TSPAN4: variants seen among roughly 807,000 people sequenced by gnomAD.
TSPAN4 encodes tetraspanin-4.
In TSPAN4, 38 loss-of-function variants were observed where a neutral mutation model predicts 31.5. The observed-to-expected ratio is 1.21, with a 90% CI of 0.93 to 1.58. The LOEUF is 1.58. Among genes scored for constraint, TSPAN4 ranks in the 40% most tolerant of loss-of-function variants. The pLI, the probability that TSPAN4 is intolerant of heterozygous loss-of-function variation, is 0.00. For missense variants in TSPAN4, 330 were observed against 317.3 expected (o/e 1.04, Z -0.30); for synonymous variants, 186 against 144.6 (o/e 1.29, Z -2.06).
chr11:863,112 C>G (rs1052476699), intron 4 of TSPAN4: 1 of 175,004 alleles, frequency 5.7e-6, no homozygotes, highest in Non-Finnish European at 1.2e-5. Context: ...CACCCCACCC[C>G]CACTGTGGCC....
chr11:854,420 A>G (rs964706592), intron 3 of TSPAN4, among the ~76,000 whole-genome samples: 2 of 152,118 alleles, frequency 1.3e-5, no homozygotes, highest in African/African-American at 4.8e-5. Flanking sequence ...GTGGGGCGGT[A>G]GAGGGTGAGG....
chr11:858,531 GACACTCACCCCGGTTCCCATGCACCCCA>G, intron 3 of TSPAN4: 1 of 152,490 alleles, frequency 6.6e-6, no homozygotes, highest in Non-Finnish European at 1.4e-5. Flanking sequence ...CACCCCCGCT[GACACTCACCCCGGTTCCCATGCACCCCA>G]GGCTCACATG....
At chr11:861,588 T>TACCGA (rs1418852211) in intron 3 of TSPAN4, among the ~76,000 whole-genome samples, 3 of 152,058 alleles carry the variant, frequency 2.0e-5, no homozygotes, top group African/African-American at 7.2e-5. Flanking sequence ...GGCGGGCGCC[T>TACCGA]GTAGTCCCAG....
intron 5 of TSPAN4, 70 bp from the exon 6 acceptor site, chr11:865,443 G>A (rs982814784): frequency 6.8e-6 from 9 of 1,318,338 alleles, no homozygotes; most frequent in Non-Finnish European, 8.6e-6. Context: ...TTAGGGGCCG[G>A]CGAGGGGGTC....
intron 3 of TSPAN4, among the ~76,000 whole-genome samples, chr11:854,281 C>T (rs908049195): frequency 2.0e-5 from 3 of 152,276 alleles, no homozygotes; most frequent in South Asian, 2.1e-4. Flanking sequence ...GTGGAAGCTC[C>T]GGCCGTCTCC....
At chr11:865,430 A>G in intron 5 of TSPAN4, 83 bp from the exon 6 acceptor site, 1 of 1,146,840 alleles carries the variant, frequency 8.7e-7, no homozygotes, top group Non-Finnish European at 1.3e-6. Context: ...GGAGGGGCCC[A>G]GCTTAGGGGC....
intron 3 of TSPAN4, among the ~76,000 whole-genome samples, chr11:852,990 G>A (rs1847840663): frequency 6.6e-6 from 1 of 152,214 alleles, no homozygotes; most frequent in Non-Finnish European, 1.5e-5. Context: ...GGGCAGTGGT[G>A]GGAGCCGGGG....
In TSPAN4 at chr11:865,587, C is replaced by T. The variant is rs538290798; in HGVS notation, c.405C>T (p.Thr135=). 3 of 1,612,932 alleles carry T rather than the reference C, an allele frequency of 1.9e-6. No homozygotes were observed. The African/African-American group carries it at 4.0e-5, about 21-fold the overall frequency. The part of the protein sequence containing the change: ...LYGTQGNVGL[T]NAWSIIQTDF... ...GCACGCAGGGCAACGTGGGCCTCAC[C>T]AACGCCTGGAGCATCATCCAGACCG... is the stretch of plus-strand genomic sequence containing the variant. The change falls in exon 6 of 9, where the codon ACC becomes ACT. Residue 135 remains threonine, a synonymous_variant. Coordinates refer to ENST00000397397, the MANE Select transcript of TSPAN4 (RefSeq NM_003271.5).
chr11:862,497 A>G, intron 3 of TSPAN4, 53 bp from the exon 4 acceptor site: 1 of 1,496,868 alleles, frequency 6.7e-7, no homozygotes, highest in Non-Finnish European at 9.0e-7. Flanking sequence ...TGGGGTCCAG[A>G]GCTTGCATTG....
chr11:859,151 C>T lies in TSPAN4; in HGVS notation c.64-3399C>T, dbSNP rs186803430. Among the ~76,000 whole-genome samples the T allele has an allele frequency of 1.5e-3, 215 of 139,606 alleles. 2 individuals are homozygous for T. The highest frequency in any genetic ancestry group is 5.6e-3 in the African/African-American group (208 of 36,914). The allele number at this position is 139,606 out of a possible 152,430, so 91.6% of individuals were successfully genotyped here. On this transcript the variant is annotated intron_variant, in intron 3 of 8. Transcript: ENST00000397397. Reference sequence around the variant, plus strand: ...ACACGCACCCCTGGGCTCACATGCACCCCGGCTCACACGCACCCCAGGTCA... The same window carrying T: ...ACACGCACCCCTGGGCTCACATGCATCCCGGCTCACACGCACCCCAGGTCA...
chr11:852,765 T>C (rs1847826030), intron 3 of TSPAN4, among the ~76,000 whole-genome samples: 1 of 152,198 alleles, frequency 6.6e-6, no homozygotes. Context: ...TTCCTACTCG[T>C]TGGGAGACCA....
rs567880749 is a variant in TSPAN4 at position 865,223 on chromosome 11, A to G, written c.331-290A>G. On this transcript the variant is annotated intron_variant, in intron 5 of 8. Transcript: ENST00000397397. ...GCCCCTGGCTTTCAGCTCACAGAGCATGGCTGCACGTGTCCCGATACGTGG... is the reference window on the plus strand; with the variant it reads ...GCCCCTGGCTTTCAGCTCACAGAGCGTGGCTGCACGTGTCCCGATACGTGG... The G allele has an allele frequency of 9.1e-5, 39 of 427,354 alleles. No homozygotes were observed. The East Asian group carries it at 1.5e-3, about 16-fold the overall frequency. The allele number at this position is 427,354 out of a possible 1,614,324, so 26.5% of individuals were successfully genotyped here.
intron 3 of TSPAN4, among the ~76,000 whole-genome samples, chr11:854,197 C>T (rs969049021): frequency 5.9e-5 from 9 of 152,336 alleles, no homozygotes; most frequent in African/African-American, 1.4e-4. Context: ...CTCCTGGCCT[C>T]GGCTCCTTCC....
chr11:861,268 G>T (rs924793386), intron 3 of TSPAN4, among the ~76,000 whole-genome samples: 1 of 152,244 alleles, frequency 6.6e-6, no homozygotes, highest in Non-Finnish European at 1.5e-5. Flanking sequence ...GGTGGCAGGT[G>T]CTCCTGTGGG....
At chr11:866,473 C>A in intron 8 of TSPAN4, 89 bp from the exon 9 acceptor site, 1 of 1,296,804 alleles carries the variant, frequency 7.7e-7, no homozygotes, top group Non-Finnish European at 1.1e-6. Flanking sequence ...GGGTCAGGGC[C>A]AGGGCACCTG....
chr11:861,576 G>T (rs1848458729), intron 3 of TSPAN4, among the ~76,000 whole-genome samples: 1 of 152,184 alleles, frequency 6.6e-6, no homozygotes, highest in African/African-American at 2.4e-5. Context: ...GCTGGGCGTG[G>T]TGGCGGGCGC....
At position 847,221 on chromosome 11, in the gene TSPAN4, G is replaced by C. The variant is rs895514271; in HGVS notation, c.-97G>C. 2.0e-5 allele frequency: 3 copies of C among 152,200 alleles called. No individual in the cohort carries two copies. The highest frequency in any genetic ancestry group is 2.0e-4 in the Admixed American group (3 of 15,280). 9.4% of individuals were successfully genotyped at this position (152,200 alleles called of 1,614,324 possible). A position where few individuals can be genotyped will look rare whatever the true frequency, so the allele number is the denominator to read the frequency against. ...TGCAGAGCTTGGGGCTTCCTTGGTC[G>C]CACCCACCACCTGCCTGCCCACTGG... On this transcript the variant is annotated 5_prime_UTR_variant, in exon 2 of 9. Transcript: ENST00000397397.
chr11:863,055 A>C, intron 4 of TSPAN4: 2 of 251,256 alleles, frequency 8.0e-6, no homozygotes, highest in Non-Finnish European at 1.5e-5. Context: ...GTACACACGC[A>C]TGCGCAGCCT....
intron 4 of TSPAN4, 115 bp from the exon 5 acceptor site, chr11:864,322 A>G (rs1425412344): frequency 1.5e-6 from 2 of 1,321,668 alleles, no homozygotes; most frequent in African/African-American, 2.9e-5. Context: ...GGCCTGGCAG[A>G]GGTTTCCTGG....
Sources: gnomAD v4.1 joint callset for allele counts (sites outside exome capture counted in the v4.1 genomes callset) on GRCh38, gnomAD v4.1.1 for gene constraint, MANE v1.5 for transcripts, NCBI Gene and HGNC (gene_info 2026-07-23, HGNC 2026-07-21) for gene names.